The following PDGFD variants were observed in gnomAD, a reference collection of about 807,000 sequenced individuals.
PDGFD encodes platelet derived growth factor D.
A neutral mutation model predicts 44.7 loss-of-function variants in PDGFD; 30 were observed. The observed-to-expected ratio is 0.67, with a 90% confidence interval of 0.50 to 0.91. The LOEUF (loss-of-function observed/expected upper bound fraction) is 0.91. Among genes scored for constraint, PDGFD ranks in the 40% least tolerant of loss-of-function variants. The pLI is 0.00. For missense variants in PDGFD, 445 were observed against 457.8 expected (o/e 0.97, Z 0.25); for synonymous variants, 173 against 168.4 (o/e 1.03, Z -0.21).
chr11:104,037,001 C>A, intron 1 of PDGFD: 1 of 1,614,262 alleles, frequency 6.2e-7, no homozygotes, highest in South Asian at 1.1e-5. Flanking sequence ...GACCACTGTT[C>A]CCTGGGCTCC....
chr11:104,062,513 G>C (rs993853809), intron 1 of PDGFD, among the ~76,000 whole-genome samples: 1 of 152,118 alleles, frequency 6.6e-6, no homozygotes, highest in Non-Finnish European at 1.5e-5. Context: ...TTTTTGTTAG[G>C]CTGCAAAAAT....
intron 3 of PDGFD, among the ~76,000 whole-genome samples, chr11:103,965,245 A>G (rs1858998060): frequency 6.6e-6 from 1 of 152,162 alleles, no homozygotes; most frequent in Non-Finnish European, 1.5e-5. Context: ...TTCAAGTACT[A>G]TTTTGAAGCT....
In PDGFD at chr11:104,051,789, T is replaced by C. The variant is rs559528492; in HGVS notation, c.125-51534A>G. On this transcript the variant is annotated intron_variant, in intron 1 of 6. Coordinates refer to ENST00000393158, the MANE Select transcript of PDGFD (RefSeq NM_025208.5). ...AATGTAAACAAATACAGAAAACATA[T>C]ACAATTAACCACTGTGCTTTTTTTG... Among the ~76,000 whole-genome samples, 22 of 152,212 alleles carry C rather than the reference T, an allele frequency of 1.4e-4. No homozygotes were observed. In the South Asian group the frequency reaches 1.7e-3, roughly 11 times the overall value.
At chr11:104,036,478 C>G (rs770667078) in intron 1 of PDGFD, 2 of 274,376 alleles carry the variant, frequency 7.3e-6, no homozygotes, top group African/African-American at 4.3e-5. Flanking sequence ...TCTTTCATAT[C>G]ATGTGTTAAA....
At chr11:104,112,736 C>A (rs1441489813) in intron 1 of PDGFD, among the ~76,000 whole-genome samples, 1 of 152,054 alleles carries the variant, frequency 6.6e-6, no homozygotes, top group African/African-American at 2.4e-5. Flanking sequence ...CTGAATGGAA[C>A]TGGAGACCAT....
chr11:104,059,085 T>C (rs1240772141), intron 1 of PDGFD, among the ~76,000 whole-genome samples: 1 of 152,222 alleles, frequency 6.6e-6, no homozygotes, highest in African/African-American at 2.4e-5. Context: ...CTGTTCATAA[T>C]TGTCAAAACT....
chr11:104,104,830 A>G (rs1861449780), intron 1 of PDGFD, among the ~76,000 whole-genome samples: 1 of 152,178 alleles, frequency 6.6e-6, no homozygotes, highest in Non-Finnish European at 1.5e-5. Context: ...ATCACCAGAA[A>G]CAGGTGGTAA....
At chr11:103,945,243 C>T (rs1858651748) in intron 4 of PDGFD, among the ~76,000 whole-genome samples, 2 of 152,106 alleles carry the variant, frequency 1.3e-5, no homozygotes, top group Non-Finnish European at 2.9e-5. Context: ...TTTGTTCCTT[C>T]TGTTTCTGAT....
chr11:104,155,328 CTA>C lies in PDGFD; in HGVS notation c.124+8474_124+8475del, dbSNP rs574667091. Among the ~76,000 whole-genome samples, 276 of 152,196 alleles carry C rather than the reference CTA, an allele frequency of 1.8e-3. 3 individuals carry two copies. The highest frequency in any genetic ancestry group is 6.4e-3 in the African/African-American group (265 of 41,530). On this transcript the variant is annotated intron_variant, in intron 1 of 6. Transcript: ENST00000393158. ...TTTTAAAATCAATAACTTTACTGGG[CTA>C]TAATATAGTTATTCCCCGGCAATAT...
At position 103,931,306 on chromosome 11, in the gene PDGFD, T is replaced by C. The variant is rs964330818; in HGVS notation, c.773-4180A>G. On this transcript the variant is annotated intron_variant, in intron 5 of 6. Coordinates refer to ENST00000393158, the MANE Select transcript of PDGFD (RefSeq NM_025208.5). ...CTGTTTTTGTGAATACAAAAATTCA[T>C]TATGAAACAAAATAATCTCCTCACT... 1.1e-3 allele frequency among the ~76,000 whole-genome samples: 161 copies of C among 152,336 alleles called. 2 individuals carry two copies. The highest frequency in any genetic ancestry group is 3.7e-3 in the African/African-American group (153 of 41,580).
intron 3 of PDGFD, among the ~76,000 whole-genome samples, chr11:103,951,625 T>A (rs1166483355): frequency 6.6e-6 from 1 of 152,118 alleles, no homozygotes; most frequent in Non-Finnish European, 1.5e-5. Flanking sequence ...CTTCTTTCAG[T>A]CCTGCAAATA....
intron 1 of PDGFD, among the ~76,000 whole-genome samples, chr11:104,147,348 C>T (rs1047226868): frequency 2.0e-5 from 3 of 152,212 alleles, no homozygotes; most frequent in Admixed American, 6.5e-5. Context: ...CATGGGAACA[C>T]AATCCAATAA....
intron 5 of PDGFD, among the ~76,000 whole-genome samples, chr11:103,928,620 C>T (rs184566087): frequency 2.5e-3 from 380 of 152,228 alleles, no homozygotes; most frequent in African/African-American, 8.5e-3. Flanking sequence ...GGGATTTATC[C>T]CCAATTGTCA....
chr11:104,081,618 A>C (rs1861046574), intron 1 of PDGFD, among the ~76,000 whole-genome samples: 1 of 152,160 alleles, frequency 6.6e-6, no homozygotes, highest in Non-Finnish European at 1.5e-5. Context: ...AGTCAAAAAC[A>C]GTTCAATTCT....
chr11:104,117,183 C>A (rs767481788), intron 1 of PDGFD, among the ~76,000 whole-genome samples: 1 of 151,928 alleles, frequency 6.6e-6, no homozygotes, highest in Non-Finnish European at 1.5e-5. Flanking sequence ...ATCCACCATC[C>A]CTTTATGATT....
rs139067613 is a variant in PDGFD, at chr11:103,914,900, C to T, written c.988-5081G>A. Among the ~76,000 whole-genome samples the T allele has an allele frequency of 1.1e-3, 170 of 152,296 alleles. 3 individuals carry two copies. Among genetic ancestry groups the T allele is most frequent in the African/African-American group, 4.0e-3 (167 of 41,562 alleles). ...AGGCCTTTGTCAAAATTCAACAGCCCTTCATGCTAAAAATTCTCAGTAAAC... is the reference window on the plus strand; with the variant it reads ...AGGCCTTTGTCAAAATTCAACAGCCTTTCATGCTAAAAATTCTCAGTAAAC... On this transcript the variant is annotated intron_variant, in intron 6 of 6. Transcript: ENST00000393158.
chr11:103,945,361 T>G (rs1160766036), intron 4 of PDGFD, among the ~76,000 whole-genome samples: 1 of 152,162 alleles, frequency 6.6e-6, no homozygotes. Context: ...GTCTTTCACA[T>G]CTCTCTTGAG....
At chr11:104,048,480 TTC>T (rs749158657) in intron 1 of PDGFD, among the ~76,000 whole-genome samples, 2 of 152,146 alleles carry the variant, frequency 1.3e-5, no homozygotes, top group Non-Finnish European at 2.9e-5. Context: ...TATCTTCTTA[TTC>T]TCTCTCCATG....
intron 1 of PDGFD, among the ~76,000 whole-genome samples, chr11:104,107,488 C>T (rs912569494): frequency 2.0e-5 from 3 of 152,130 alleles, no homozygotes; most frequent in African/African-American, 7.2e-5. Context: ...TAAACTGTGC[C>T]TGGATTTCTG....
Sources: gnomAD v4.1 joint callset for allele counts (sites outside exome capture counted in the v4.1 genomes callset) on GRCh38, gnomAD v4.1.1 for gene constraint, MANE v1.5 for transcripts, NCBI Gene and HGNC (gene_info 2026-07-23, HGNC 2026-07-21) for gene names.